The following RPS6KA5 variants were observed in gnomAD, a reference collection of about 807,000 sequenced individuals.
RPS6KA5 encodes the protein ribosomal protein S6 kinase alpha-5.
RPS6KA5 carries 27 observed loss-of-function variants against 85.5 expected under a neutral mutation model. The observed-to-expected ratio is 0.32, with a 90% CI of 0.23 to 0.44. The LOEUF (loss-of-function observed/expected upper bound fraction) is 0.44. RPS6KA5 is among the 20% of genes least tolerant of loss of function. RPS6KA5 has a pLI of 1.00. For missense variants in RPS6KA5, 811 were observed against 980.9 expected (o/e 0.83, Z 2.31); for synonymous variants, 334 against 348.2 (o/e 0.96, Z 0.46).
intron 1 of RPS6KA5, among the ~76,000 whole-genome samples, chr14:91,050,321 C>T (rs906856811): frequency 2.0e-5 from 3 of 152,050 alleles, no homozygotes; most frequent in African/African-American, 4.8e-5. Context: ...TTTGAAGCTG[C>T]GGTGAACTAT....
chr14:90,931,761 G>A (rs2036993322), intron 5 of RPS6KA5, among the ~76,000 whole-genome samples: 1 of 152,084 alleles, frequency 6.6e-6, no homozygotes, highest in Non-Finnish European at 1.5e-5. Context: ...CACTGTGATA[G>A]AGAAAACATA....
Position 90,874,270 on chromosome 14 carries a change from G to A in RPS6KA5, c.1997-475C>T, listed in dbSNP as rs987926510. Among the ~76,000 whole-genome samples, 2 of 152,218 alleles carry A rather than the reference G, an allele frequency of 1.3e-5. 1 individual carries two copies. The highest frequency in any genetic ancestry group is 4.1e-4 in the South Asian group (2 of 4,838). ...CTATTATAACATCAGGGATAAGTGC[G>A]ATAGCAAGATACACAGGCACAGTGT... On this transcript the variant is annotated intron_variant, in intron 15 of 16. Coordinates refer to ENST00000614987, the MANE Select transcript of RPS6KA5 (RefSeq NM_004755.4).
At chr14:90,909,495 T>G (rs1447444272) in intron 7 of RPS6KA5, among the ~76,000 whole-genome samples, 1 of 152,182 alleles carries the variant, frequency 6.6e-6, no homozygotes, top group Non-Finnish European at 1.5e-5. Flanking sequence ...GCTATTTTTA[T>G]CCTTCTTTCA....
chr14:91,040,085 T>C (rs1307879223), intron 1 of RPS6KA5, among the ~76,000 whole-genome samples: 1 of 152,210 alleles, frequency 6.6e-6, no homozygotes, highest in East Asian at 1.9e-4. Context: ...ACTAGAGTCC[T>C]GGCAGAATAG....
intron 2 of RPS6KA5, among the ~76,000 whole-genome samples, chr14:90,983,604 G>A (rs1004519235): frequency 6.6e-6 from 1 of 151,050 alleles, no homozygotes; most frequent in East Asian, 1.9e-4. Flanking sequence ...CTGTCTCAGG[G>A]GGAGAAAGAA....
At chr14:91,022,361 G>C (rs943847411) in intron 1 of RPS6KA5, among the ~76,000 whole-genome samples, 1 of 152,182 alleles carries the variant, frequency 6.6e-6, no homozygotes, top group African/African-American at 2.4e-5. Flanking sequence ...GGAATGTGAA[G>C]TATATCAATA....
chr14:90,919,957 G>A (rs1595216160), intron 7 of RPS6KA5, among the ~76,000 whole-genome samples: 1 of 151,930 alleles, frequency 6.6e-6, no homozygotes, highest in African/African-American at 2.4e-5. Flanking sequence ...AGTGCTCTGG[G>A]GCACACCAAA....
intron 1 of RPS6KA5, among the ~76,000 whole-genome samples, chr14:91,018,121 T>TA (rs1436453555): frequency 2.0e-5 from 3 of 152,094 alleles, no homozygotes; most frequent in Non-Finnish European, 4.4e-5. Flanking sequence ...ACCTCCCAGG[T>TA]AAAAAACCAC....
intron 1 of RPS6KA5, among the ~76,000 whole-genome samples, chr14:91,053,226 A>T (rs1221370677): frequency 6.6e-6 from 1 of 152,236 alleles, no homozygotes; most frequent in Non-Finnish European, 1.5e-5. Context: ...GATAAAATAC[A>T]TCTATGAAAA....
intron 3 of RPS6KA5, among the ~76,000 whole-genome samples, chr14:90,965,692 G>A (rs552041025): frequency 2.0e-5 from 3 of 152,228 alleles, no homozygotes; most frequent in East Asian, 3.9e-4. Flanking sequence ...GTTGACACAC[G>A]AGGAAAGCTT....
At chr14:90,915,356 G>A (rs1053879916) in intron 7 of RPS6KA5, among the ~76,000 whole-genome samples, 11 of 152,096 alleles carry the variant, frequency 7.2e-5, no homozygotes, top group African/African-American at 1.4e-4. Flanking sequence ...TGTCAATTGC[G>A]TGATTAGGTT....
intron 6 of RPS6KA5, 34 bp from the exon 7 acceptor site, chr14:90,920,343 T>C (rs1192595095): frequency 8.3e-6 from 11 of 1,326,540 alleles, no homozygotes; most frequent in Non-Finnish European, 1.2e-5. Flanking sequence ...TTTATAGAAT[T>C]ATCAACTAAA....
intron 1 of RPS6KA5, among the ~76,000 whole-genome samples, chr14:91,044,491 A>C (rs769781775): frequency 2.6e-5 from 4 of 152,172 alleles, no homozygotes; most frequent in Non-Finnish European, 5.9e-5. Flanking sequence ...GTCCCTTTAA[A>C]TCCGTACCTA....
At chr14:90,975,636 T>C (rs1162414381) in intron 3 of RPS6KA5, among the ~76,000 whole-genome samples, 3 of 152,080 alleles carry the variant, frequency 2.0e-5, no homozygotes, top group Non-Finnish European at 2.9e-5. Flanking sequence ...TCCAGTACTG[T>C]GAGAAAATAA....
intron 3 of RPS6KA5, among the ~76,000 whole-genome samples, chr14:90,956,054 T>C (rs2038490066): frequency 6.6e-6 from 1 of 152,154 alleles, no homozygotes; most frequent in Non-Finnish European, 1.5e-5. Flanking sequence ...TATATACCAT[T>C]TACACTGTAT....
chr14:90,995,512 T>G (rs2040481269), intron 2 of RPS6KA5, among the ~76,000 whole-genome samples: 1 of 152,174 alleles, frequency 6.6e-6, no homozygotes, highest in Non-Finnish European at 1.5e-5. Context: ...CTCTACCGCT[T>G]GAGTGCCTTA....
At chr14:91,000,948 G>A in intron 2 of RPS6KA5, 140 bp downstream of exon 2, 1 of 553,838 alleles carries the variant, frequency 1.8e-6, no homozygotes, top group Non-Finnish European at 3.2e-6. Context: ...TGAATGGTCT[G>A]TTCATGTTCT....
chr14:90,863,347 A>T lies in RPS6KA5; in HGVS notation c.*8727T>A, dbSNP rs376968096. Reference sequence around the variant, plus strand: ...AAAAAAAAAGAAAAGAAAAGAAAAAAATATATATATATAGAATAGAAAAAT... The same window carrying T: ...AAAAAAAAAGAAAAGAAAAGAAAAATATATATATATATAGAATAGAAAAAT... On this transcript the variant is annotated 3_prime_UTR_variant, in exon 17 of 17. Coordinates refer to ENST00000614987, the MANE Select transcript of RPS6KA5 (RefSeq NM_004755.4). The T allele has an allele frequency of 1.8e-4, 26 of 147,340 alleles. No homozygotes were observed. The highest frequency in any genetic ancestry group is 1.4e-3 in the East Asian group (7 of 5,176). 9.1% of individuals were successfully genotyped at this position (147,340 alleles called of 1,614,324 possible). A position where few individuals can be genotyped will look rare whatever the true frequency, so the allele number is the denominator to read the frequency against.
chr14:90,902,283 A>G (rs1017664409), intron 9 of RPS6KA5, among the ~76,000 whole-genome samples: 3 of 152,062 alleles, frequency 2.0e-5, no homozygotes, highest in African/African-American at 7.2e-5. Context: ...CCAGGAGTTC[A>G]AGACCAGCTT....
Sources: allele counts gnomAD v4.1 joint callset (sites outside exome capture counted in the v4.1 genomes callset), GRCh38; gene constraint gnomAD v4.1.1; transcripts MANE v1.5; gene names NCBI Gene and HGNC (gene_info 2026-07-23, HGNC 2026-07-21).